Variants in RMDN1 observed in about 807,000 individuals in gnomAD.
RMDN1 encodes regulator of microtubule dynamics protein 1.
In RMDN1, 48 loss-of-function variants were observed where a neutral mutation model predicts 48.9. The observed-to-expected ratio is 0.98, with a 90% confidence interval of 0.78 to 1.25. The LOEUF is 1.25. Among genes scored for constraint, RMDN1 ranks in the 50% most tolerant of loss-of-function variants. RMDN1 has a pLI of 0.00. For synonymous variants in RMDN1, 148 were observed against 132.6 expected (o/e 1.12, Z -0.80); for missense variants, 418 against 373.4 (o/e 1.12, Z -0.98).
intron 5 of RMDN1, among the ~76,000 whole-genome samples, chr8:86,481,265 TACC>T (rs900995876): frequency 6.6e-6 from 1 of 152,204 alleles, no homozygotes; most frequent in African/African-American, 2.4e-5. Flanking sequence ...TCTATATTCT[TACC>T]ACAACTGAGT....
upstream of RMDN1, among the ~76,000 whole-genome samples, chr8:86,511,257 G>A (rs1180779735): frequency 2.0e-5 from 3 of 149,976 alleles, no homozygotes; most frequent in Admixed American, 6.6e-5. Context: ...GGCAGATCAC[G>A]AGGTCAGGAG....
intron 4 of RMDN1, among the ~76,000 whole-genome samples, chr8:86,485,603 C>T (rs1456717405): frequency 2.0e-5 from 3 of 152,128 alleles, no homozygotes; most frequent in Non-Finnish European, 4.4e-5. Context: ...TTTATTTTCT[C>T]ATTCTCTTTT....
intron 5 of RMDN1, chr8:86,481,747 T>G (rs1188146163): frequency 2.4e-6 from 2 of 832,944 alleles, no homozygotes; most frequent in Non-Finnish European, 3.5e-6. Flanking sequence ...TGGTAATTCC[T>G]ATTTTTTTAG....
intron 2 of RMDN1, 84 bp downstream of exon 2, chr8:86,506,911 C>T (rs1819458032): frequency 2.8e-6 from 2 of 724,216 alleles, no homozygotes; most frequent in South Asian, 3.6e-5. Context: ...TAACATTACC[C>T]TGATTCTTTG....
At chr8:86,506,369 G>C (rs1380247490) in intron 2 of RMDN1, among the ~76,000 whole-genome samples, 2 of 152,070 alleles carry the variant, frequency 1.3e-5, no homozygotes, top group Non-Finnish European at 2.9e-5. Context: ...GTGTGTTGTT[G>C]CCTTTAGGGT....
chr8:86,510,605 A>T (rs979441157), upstream of RMDN1, among the ~76,000 whole-genome samples: 3 of 152,190 alleles, frequency 2.0e-5, no homozygotes, highest in African/African-American at 7.2e-5. Context: ...CCAATATCTG[A>T]CTGCAACATC....
At chr8:86,497,487 G>C (rs1817550980) in intron 2 of RMDN1, among the ~76,000 whole-genome samples, 1 of 152,134 alleles carries the variant, frequency 6.6e-6, no homozygotes, top group South Asian at 2.1e-4. Context: ...TGGATGATGA[G>C]GTCAGGAGTT....
chr8:86,479,976 C>A (rs1814072191), intron 6 of RMDN1, among the ~76,000 whole-genome samples: 1 of 152,100 alleles, frequency 6.6e-6, no homozygotes, highest in African/African-American at 2.4e-5. Context: ...TTGGGGCATT[C>A]TACTGTTTTA....
intron 2 of RMDN1, among the ~76,000 whole-genome samples, chr8:86,502,845 TC>T (rs945521022): frequency 6.6e-6 from 1 of 152,038 alleles, no homozygotes; most frequent in Non-Finnish European, 1.5e-5. Context: ...TTCTTTTTCT[TC>T]CCCCCAACTC....
At chr8:86,493,625 A>C (rs1816861375) in intron 2 of RMDN1, among the ~76,000 whole-genome samples, 1 of 152,188 alleles carries the variant, frequency 6.6e-6, no homozygotes, top group South Asian at 2.1e-4. Context: ...GAACATCTCT[A>C]ATCTGAAAAT....
At chr8:86,510,419 T>C (rs1012000755), upstream of RMDN1, among the ~76,000 whole-genome samples, 11 of 152,238 alleles carry the variant, frequency 7.2e-5, no homozygotes, top group African/African-American at 2.7e-4. Context: ...GCATTTGTTA[T>C]GTTTCTACTT....
At chr8:86,508,456 G>A in intron 1 of RMDN1, 36 bp downstream of exon 1, 1 of 1,533,476 alleles carries the variant, frequency 6.5e-7, no homozygotes, top group Non-Finnish European at 8.8e-7. Context: ...CCACTGAGTA[G>A]GAAGTGAGGA....
rs932821519 is a variant in RMDN1 at position 86,480,279 on chromosome 8, A to G, written c.639T>C (p.Ile213=). The G allele has an allele frequency of 3.3e-6, 5 of 1,513,658 alleles. No homozygotes were observed. The African/African-American group carries it at 6.9e-5, about 21-fold the overall frequency. 93.8% of individuals were successfully genotyped at this position (1,513,658 alleles called of 1,614,324 possible). ...KDATSIHLMG[I]WCYTFAEMPW... Reference sequence around the variant, plus strand: ...AATATTTAAAGAAATTTTCTTACCAAATACCCATAAGGTGAATTGAAGTAG... The same window carrying G: ...AATATTTAAAGAAATTTTCTTACCAGATACCCATAAGGTGAATTGAAGTAG... The change falls in exon 6 of 10, where the codon ATT becomes ATC. Residue 213 remains isoleucine (I), a splice_region_variant and synonymous_variant. Transcript: ENST00000406452.
Position 86,473,328 on chromosome 8 carries a change from C to CTCAA in RMDN1, c.*976_*979dup, listed in dbSNP as rs1343099247. The CTCAA allele has an allele frequency of 1.0e-6, 1 of 985,276 alleles. No individual in the cohort carries two copies. Among genetic ancestry groups the CTCAA allele is most frequent in the Non-Finnish European group, 1.2e-6 (1 of 829,930 alleles). 61.0% of individuals were successfully genotyped at this position (985,276 alleles called of 1,614,324 possible). A position where few individuals can be genotyped will look rare whatever the true frequency, so the allele number is the denominator to read the frequency against. ...GATTTTGCAGTGGTGGCACTCCAGC[C>CTCAA]TCAAGTGAGTAGCATAGTCCTGCCT... On this transcript the variant is annotated 3_prime_UTR_variant, in exon 10 of 10. Coordinates refer to ENST00000406452, the MANE Select transcript of RMDN1 (RefSeq NM_016033.3).
At chr8:86,479,112 G>A in intron 6 of RMDN1, 102 bp from the exon 7 acceptor site, 2 of 822,260 alleles carry the variant, frequency 2.4e-6, no homozygotes, top group Non-Finnish European at 3.9e-6. Flanking sequence ...TCTACTGTAT[G>A]TTTAAACAAC....
intron 2 of RMDN1, among the ~76,000 whole-genome samples, chr8:86,497,561 C>T (rs2131090805): frequency 6.6e-6 from 1 of 151,916 alleles, no homozygotes; most frequent in East Asian, 2.0e-4. Flanking sequence ...ATTAGCCAGG[C>T]ATGGTGGCAC....
intron 2 of RMDN1, among the ~76,000 whole-genome samples, chr8:86,494,249 G>A (rs374576850): frequency 3.3e-5 from 5 of 152,182 alleles, no homozygotes; most frequent in Non-Finnish European, 5.9e-5. Flanking sequence ...AGAGAATGCT[G>A]GAAAGTGGCA....
At chr8:86,512,828 C>A (rs1173209569), upstream of RMDN1, among the ~76,000 whole-genome samples, 2 of 151,972 alleles carry the variant, frequency 1.3e-5, no homozygotes, top group Non-Finnish European at 2.9e-5. Context: ...AATCCCAGCA[C>A]TCTGGGAGGC....
chr8:86,503,540 C>A (rs1055502347), intron 2 of RMDN1: 3 of 294,690 alleles, frequency 1.0e-5, no homozygotes, highest in Non-Finnish European at 2.1e-5. Context: ...ACTCCTAGAT[C>A]TTTATTGAAG....
Sources: allele counts gnomAD v4.1 joint callset (sites outside exome capture counted in the v4.1 genomes callset), GRCh38; gene constraint gnomAD v4.1.1; transcripts MANE v1.5; gene names NCBI Gene and HGNC (gene_info 2026-07-23, HGNC 2026-07-21).